TYSND1: variants seen among roughly 807,000 people sequenced by gnomAD.
TYSND1 encodes the protein trypsin like peroxisomal matrix peptidase 1.
In TYSND1, 30 loss-of-function variants were observed where a neutral mutation model predicts 37.2. The ratio of observed to expected loss-of-function variants is 0.81; its 90% CI spans 0.60 to 1.09. TYSND1 has a LOEUF of 1.09. TYSND1 is among the 50% of genes least tolerant of loss of function. The probability of loss-of-function intolerance (pLI) is 0.00; values close to 1 mark genes in which losing one functional copy is unlikely to be tolerated. For missense variants in TYSND1, 806 were observed against 817.4 expected (o/e 0.99, Z 0.17); for synonymous variants, 364 against 383.8 (o/e 0.95, Z 0.60).
intron 1 of TYSND1, chr10:70,144,513 GAC>G: frequency 2.0e-6 from 2 of 987,888 alleles, no homozygotes; most frequent in South Asian, 9.3e-5. Context: ...CACACGACGT[GAC>G]AGGCTCCGTT....
At position 70,145,461 on chromosome 10, in the gene TYSND1, G is replaced by C. The variant is rs757765472; in HGVS notation, c.1126C>G (p.Arg376Gly). The change falls in exon 1 of 4, where the codon CGG becomes GGG. Residue 376 changes from arginine (R) to glycine (G), a missense_variant. By Grantham distance (125) the Arg-to-Gly change is moderately radical (BLOSUM62 -2). This residue lies in a region of TYSND1 where 708 missense variants were observed against 705.4 expected (regional missense o/e 1.00). Transcript: ENST00000287078. ...LVVTCRHVSP[R>G]EAARVLVRST... is the part of the protein sequence containing the mutation. The stretch of plus-strand genomic sequence containing the variant: ...CGCACCAGGACCCTGGCTGCTTCCC[G>C]AGGGGACACGTGCCGACAGGTCACT... The C allele has an allele frequency of 4.1e-6, 6 of 1,478,438 alleles. 1 individual carries two copies. In the South Asian group the frequency reaches 8.2e-5, roughly 20 times the overall value. The allele number at this position is 1,478,438 out of a possible 1,614,324, so 91.6% of individuals were successfully genotyped here.
At chr10:70,143,459 A>T (rs2072819648) in intron 2 of TYSND1, among the ~76,000 whole-genome samples, 1 of 152,158 alleles carries the variant, frequency 6.6e-6, no homozygotes, top group Non-Finnish European at 1.5e-5. Context: ...GAGCCCCTGG[A>T]CCCTTCATCA....
rs1370878032 is a variant in TYSND1, at chr10:70,146,343, G to T, written c.244C>A (p.Arg82Ser). The change falls in exon 1 of 4, where the codon CGC (arginine) becomes AGC (serine). Residue 82 changes from arginine to serine, a missense_variant. Physicochemically the swap from Arg to Ser is moderately radical, Grantham distance 110 (BLOSUM62 -1). Around this residue, in one of 3 missense-constraint regions of TYSND1, gnomAD observed 708 missense variants for 705.4 expected, o/e 1.00. Coordinates refer to ENST00000287078, the MANE Select transcript of TYSND1 (RefSeq NM_173555.4). ...GTTGGGGCCCACTGCACGTGCAGGC[G>T]CAGGTCGTCCCTGCAACTGTCGCCA... ...LPGDSCRDDLRLHVQWAPTAA... is the reference protein window; with the variant it reads ...LPGDSCRDDLSLHVQWAPTAA... The T allele has an allele frequency of 1.3e-6, 2 of 1,538,766 alleles. No homozygotes were observed. Among genetic ancestry groups the T allele is most frequent in the Non-Finnish European group, 1.7e-6 (2 of 1,148,788 alleles).
intron 3 of TYSND1, among the ~76,000 whole-genome samples, chr10:70,140,415 A>G (rs567900841): frequency 1.3e-5 from 2 of 152,314 alleles, no homozygotes; most frequent in African/African-American, 2.4e-5. Flanking sequence ...TGTCAGCTCC[A>G]TAAGGGCAGG....
intron 3 of TYSND1, among the ~76,000 whole-genome samples, chr10:70,141,443 G>T (rs2072772711): frequency 6.6e-6 from 1 of 152,098 alleles, no homozygotes; most frequent in South Asian, 2.1e-4. Flanking sequence ...TGATTTTAGA[G>T]AATGACCCTC....
At chr10:70,144,583 C>T (rs2072846662) in intron 1 of TYSND1, 3 of 986,616 alleles carry the variant, frequency 3.0e-6, no homozygotes, top group Middle Eastern at 1.0e-3. Flanking sequence ...AGTGACTTGC[C>T]CGGGATCAGA....
rs1439929722 is a variant in TYSND1 at position 70,145,525 on chromosome 10, G to A, written c.1062C>T (p.Thr354=). The change falls in exon 1 of 4, where the codon ACC becomes ACT. Residue 354 remains threonine (T), a synonymous_variant. Transcript: ENST00000287078. ...AAAAVLVECG[T]VWGSGVAVAP... is the part of the protein sequence containing the mutation. The stretch of plus-strand genomic sequence containing the variant: ...CCACAGCCACTCCGGAGCCCCATAC[G>A]GTGCCGCACTCCACCAACACTGCCG... 4 of 1,522,792 alleles carry A rather than the reference G, an allele frequency of 2.6e-6. No individual in the cohort carries two copies. Among genetic ancestry groups the A allele is most frequent in the Admixed American group, 2.0e-5 (1 of 49,556 alleles). The allele number at this position is 1,522,792 out of a possible 1,614,324, so 94.3% of individuals were successfully genotyped here. A position where few individuals can be genotyped will look rare whatever the true frequency, so the allele number is the denominator to read the frequency against.
rs1251851106 is a variant in TYSND1 at position 70,142,793 on chromosome 10, G to T, written c.1358C>A (p.Thr453Asn). Residue 453 changes from threonine (T) to asparagine (N), a missense_variant, in exon 3 of 4, where the codon ACC (threonine) becomes AAC (asparagine). Physicochemically the swap from Thr to Asn is moderately conservative, Grantham distance 65. Coordinates refer to ENST00000287078, the MANE Select transcript of TYSND1 (RefSeq NM_173555.4). ...CACCACAGCCGAAAGGATGCCTGAG[G>T]TCACCGAGGGCCCGCAAGACTGGCC... ...VFGQSCGPSVTSGILSAVVQV... is the reference protein window; with the variant it reads ...VFGQSCGPSVNSGILSAVVQV... 1.2e-6 allele frequency: 2 copies of T among 1,614,118 alleles called. No individual in the cohort carries two copies. Among genetic ancestry groups the T allele is most frequent in the South Asian group, 1.1e-5 (1 of 91,088 alleles).
chr10:70,144,940 GAAGCTCTGGCT>G, intron 1 of TYSND1: 1 of 236,806 alleles, frequency 4.2e-6, no homozygotes, highest in Non-Finnish European at 6.9e-6. Flanking sequence ...ACTCAGACGG[GAAGCTCTGGCT>G]AAGCACTAAA....
Position 70,145,420 on chromosome 10 carries a change from C to G in TYSND1, c.1166+1G>C. Reference sequence around the variant, plus strand: ...AAGTGGCGTCAGCCCTGCGGGCTTACTTGGGGGTGGTGGAGCGCACCAGGA... The same window carrying G: ...AAGTGGCGTCAGCCCTGCGGGCTTAGTTGGGGGTGGTGGAGCGCACCAGGA... On this transcript the variant is annotated splice_donor_variant, in intron 1 of 3. Coordinates refer to ENST00000287078, the MANE Select transcript of TYSND1 (RefSeq NM_173555.4). LOFTEE classifies it high-confidence loss of function. 2 of 1,425,738 alleles carry G rather than the reference C, an allele frequency of 1.4e-6. No individual in the cohort carries two copies. Among genetic ancestry groups the G allele is most frequent in the Non-Finnish European group, 1.8e-6 (2 of 1,088,404 alleles). 88.3% of individuals were successfully genotyped at this position (1,425,738 alleles called of 1,614,324 possible).
rs1388217334 is a variant in TYSND1 at position 70,142,868 on chromosome 10, AGGAG to A, written c.1298-19_1298-16del. On this transcript the variant is annotated splice_polypyrimidine_tract_variant and intron_variant, in intron 2 of 3. Coordinates refer to ENST00000287078, the MANE Select transcript of TYSND1 (RefSeq NM_173555.4). ...CACAGCCTCGCCTGCCAGGGAAGGA[AGGAG>A]GGTGAAGCTGGGGACACCTGTGTTA... 6.2e-7 allele frequency: 1 copy of A among 1,611,602 alleles called. No individual in the cohort carries two copies. Among genetic ancestry groups the A allele is most frequent in the Non-Finnish European group, 8.5e-7 (1 of 1,178,476 alleles).
chr10:70,145,645 C>A lies in TYSND1; in HGVS notation c.942G>T (p.Pro314=), dbSNP rs1839185810. 7.1e-7 allele frequency: 1 copy of A among 1,403,268 alleles called. No individual in the cohort carries two copies. The highest frequency in any genetic ancestry group is 9.2e-7 in the Non-Finnish European group (1 of 1,087,786). The allele number at this position is 1,403,268 out of a possible 1,614,324, so 86.9% of individuals were successfully genotyped here. The part of the protein sequence containing the change: ...RAARDALHRL[P]HSTAALAALL... ...GGGCGGCCAGGGCAGCGGTGCTGTG[C>A]GGCAGGCGGTGAAGCGCGTCGCGGG... is the stretch of plus-strand genomic sequence containing the variant. The change falls in exon 1 of 4, where the codon CCG becomes CCT. Residue 314 remains proline (P), a synonymous_variant. Transcript: ENST00000287078.
Position 70,145,938 on chromosome 10 carries a change from C to A in TYSND1, c.649G>T (p.Ala217Ser). The A allele has an allele frequency of 1.9e-6, 3 of 1,553,724 alleles. No homozygotes were observed. Among genetic ancestry groups the A allele is most frequent in the Non-Finnish European group, 2.6e-6 (3 of 1,149,638 alleles). Residue 217 changes from alanine to serine, a missense_variant, in exon 1 of 4, where the codon GCG becomes TCG. By Grantham distance (99) the Ala-to-Ser change is moderately conservative. This residue lies in a region of TYSND1 where 708 missense variants were observed against 705.4 expected (regional missense o/e 1.00). Coordinates refer to ENST00000287078, the MANE Select transcript of TYSND1 (RefSeq NM_173555.4). The stretch of plus-strand genomic sequence containing the variant: ...GGGGAGCCGCAGACCAGCAATGGCG[C>A]ACCCTTGGGCACGGCCCCGAGAGGC... ...VSPLGAVPKG[A>S]PLLVCGSPFG... is the part of the protein sequence containing the mutation.
chr10:70,145,229 C>T (rs1471074143), intron 1 of TYSND1, among the ~76,000 whole-genome samples, 192 bp downstream of exon 1: 1 of 152,188 alleles, frequency 6.6e-6, no homozygotes, highest in Non-Finnish European at 1.5e-5. Flanking sequence ...GAGCTTGACA[C>T]CTTGCCCCAG....
intron 3 of TYSND1, 117 bp downstream of exon 3, chr10:70,142,551 A>G: frequency 9.9e-7 from 1 of 1,008,380 alleles, no homozygotes; most frequent in Admixed American, 2.5e-5. Flanking sequence ...TAGCTCACTC[A>G]TAATGCCCAC....
At chr10:70,140,542 T>C (rs2072751971) in intron 3 of TYSND1, among the ~76,000 whole-genome samples, 1 of 112,496 alleles carries the variant, frequency 8.9e-6, no homozygotes, top group Non-Finnish European at 2.0e-5. Context: ...AATGAATGAA[T>C]GAATGAATGA....
Position 70,145,682 on chromosome 10 carries a change from AG to A in TYSND1, c.904del (p.Leu302PhefsTer66). 7.2e-7 allele frequency: 1 copy of A among 1,385,880 alleles called. No homozygotes were observed. The highest frequency in any genetic ancestry group is 9.3e-7 in the Non-Finnish European group (1 of 1,078,996). The allele number at this position is 1,385,880 out of a possible 1,614,324, so 85.8% of individuals were successfully genotyped here. On this transcript the variant is annotated frameshift_variant, in exon 1 of 4. Coordinates refer to ENST00000287078, the MANE Select transcript of TYSND1 (RefSeq NM_173555.4). LOFTEE classifies it high-confidence loss of function. ...AAGCGCGTCGCGGGCGGCGCGGAAA[AG>A]GGGGGCGGCGGCGCAGAGCAGCGTG... The part of the protein sequence containing the change: ...GFTLLCAAAP[L>X]FRAARDALHR...
Position 70,146,627 on chromosome 10 carries a change from G to A in TYSND1, c.-41C>T, listed in dbSNP as rs1483840179. Reference sequence around the variant, plus strand: ...CACTCGGGAGCTTCTCCGAGAAACAGCAAGCTAGCGAGCGAGGACCCCTAC... The same window carrying A: ...CACTCGGGAGCTTCTCCGAGAAACAACAAGCTAGCGAGCGAGGACCCCTAC... On this transcript the variant is annotated 5_prime_UTR_variant, in exon 1 of 4. Coordinates refer to ENST00000287078, the MANE Select transcript of TYSND1 (RefSeq NM_173555.4). The A allele has an allele frequency of 6.9e-7, 1 of 1,457,766 alleles. No homozygotes were observed. Among genetic ancestry groups the A allele is most frequent in the Non-Finnish European group, 9.0e-7 (1 of 1,111,074 alleles). The allele number at this position is 1,457,766 out of a possible 1,614,324, so 90.3% of individuals were successfully genotyped here. A position where few individuals can be genotyped will look rare whatever the true frequency, so the allele number is the denominator to read the frequency against.
At position 70,145,980 on chromosome 10, in the gene TYSND1, G is replaced by T; in HGVS notation, c.607C>A (p.Pro203Thr). 6.4e-7 allele frequency: 1 copy of T among 1,570,390 alleles called. No individual in the cohort carries two copies. Among genetic ancestry groups the T allele is most frequent in the Non-Finnish European group, 8.6e-7 (1 of 1,159,346 alleles). ...CCGAGAGGCGACACCGCCATGGCTG[G>T]CCCGCGCTCCTCCTCCACCTCCTCC... ...GQEEVEEERG[P>T]AMAVSPLGAV... Residue 203 changes from proline to threonine, a missense_variant, in exon 1 of 4, where the codon CCA becomes ACA. Physicochemically the swap from Pro to Thr is conservative, Grantham distance 38. Coordinates refer to ENST00000287078, the MANE Select transcript of TYSND1 (RefSeq NM_173555.4).
Sources: allele counts gnomAD v4.1 joint callset (sites outside exome capture counted in the v4.1 genomes callset), GRCh38; gene constraint gnomAD v4.1.1; regional missense constraint gnomAD v4.1.1; transcripts MANE v1.5; gene names NCBI Gene and HGNC (gene_info 2026-07-23, HGNC 2026-07-21).